ZFHX3: variants seen among roughly 807,000 people sequenced by gnomAD.
ZFHX3 encodes the protein zinc finger homeobox protein 3.
Under a neutral mutation model 279.1 loss-of-function variants are expected in ZFHX3, and 42 were observed. That is an observed-to-expected ratio of 0.15 (90% confidence interval 0.12 to 0.19). The LOEUF (loss-of-function observed/expected upper bound fraction) is 0.19, where lower values mean the gene tolerates loss of function less well. ZFHX3 is among the 10% of genes least tolerant of loss of function. ZFHX3 has a pLI of 1.00. For synonymous variants in ZFHX3, 2,293 were observed against 1,957.8 expected, an observed-to-expected ratio of 1.17 and a Z score of -4.52; for missense variants, 4,981 against 4,754.0, an observed-to-expected ratio of 1.05 and a Z score of -1.40.
intron 8 of ZFHX3, 83 bp from the exon 9 acceptor site, chr16:72,798,797 C>A: frequency 6.8e-7 from 1 of 1,479,350 alleles, no homozygotes; most frequent in South Asian, 1.4e-5. Flanking sequence ...TCTACCTAGT[C>A]AGGCCTCATG....
chr16:73,075,638 C>CTT (rs1237376208), intron 8 of ZFHX3, among the ~76,000 whole-genome samples: 1 of 144,424 alleles, frequency 6.9e-6, no homozygotes, highest in African/African-American at 2.5e-5. Context: ...GAATCAAAGA[C>CTT]TTTTTTTTTT....
intron 3 of ZFHX3, among the ~76,000 whole-genome samples, chr16:73,411,221 G>T (rs1407407825): frequency 6.6e-6 from 1 of 152,210 alleles, no homozygotes; most frequent in East Asian, 1.9e-4. Context: ...TAGAACCTCA[G>T]TCCTTGGCCA....
intron 3 of ZFHX3, among the ~76,000 whole-genome samples, chr16:73,403,331 G>A (rs575202541): frequency 6.6e-5 from 10 of 152,308 alleles, no homozygotes; most frequent in African/African-American, 1.4e-4. Flanking sequence ...GACTGGTCCC[G>A]CAGGGGTTCG....
chr16:73,814,853 C>G (rs995001918), intron 1 of ZFHX3, among the ~76,000 whole-genome samples: 3 of 152,268 alleles, frequency 2.0e-5, no homozygotes, highest in Admixed American at 6.5e-5. Context: ...CAGGAGTGAG[C>G]CTTTCACACC....
intron 1 of ZFHX3, among the ~76,000 whole-genome samples, chr16:72,988,918 A>C (rs1962957042): frequency 6.6e-6 from 1 of 152,220 alleles, no homozygotes; most frequent in Non-Finnish European, 1.5e-5. Context: ...GATCACACTT[A>C]CAATTCCAGC....
intron 4 of ZFHX3, chr16:73,294,177 T>C (rs2014846316): frequency 6.6e-6 from 1 of 152,202 alleles, no homozygotes; most frequent in Non-Finnish European, 1.5e-5. Context: ...ATTTGTAAAC[T>C]GTCCTTTTTT....
At chr16:73,086,777 C>T (rs1315642395) in intron 8 of ZFHX3, among the ~76,000 whole-genome samples, 1 of 152,048 alleles carries the variant, frequency 6.6e-6, no homozygotes, top group Non-Finnish European at 1.5e-5. Context: ...GTGGCATGCA[C>T]CTGTGCTCTC....
At chr16:72,987,467 T>C (rs2144559070) in intron 1 of ZFHX3, among the ~76,000 whole-genome samples, 1 of 152,192 alleles carries the variant, frequency 6.6e-6, no homozygotes, top group South Asian at 2.1e-4. Flanking sequence ...TCAGTTTAGG[T>C]AGAGGGACCT....
intron 3 of ZFHX3, among the ~76,000 whole-genome samples, chr16:73,371,381 C>T (rs2016626468): frequency 6.6e-6 from 1 of 151,758 alleles, no homozygotes; most frequent in Non-Finnish European, 1.5e-5. Flanking sequence ...ATTCCAACCC[C>T]CAATTTTTTA....
At chr16:73,648,774 T>G (rs188688954) in intron 2 of ZFHX3, among the ~76,000 whole-genome samples, 1 of 152,294 alleles carries the variant, frequency 6.6e-6, no homozygotes, top group East Asian at 1.9e-4. Flanking sequence ...CAATTGATAG[T>G]CTAAGGTTTC....
At chr16:72,865,855 G>C (rs537135855) in intron 4 of ZFHX3, among the ~76,000 whole-genome samples, 12 of 152,232 alleles carry the variant, frequency 7.9e-5, no homozygotes, top group Middle Eastern at 3.4e-3. Flanking sequence ...ATGCTCCTTT[G>C]AGGCATGAAC....
intron 3 of ZFHX3, among the ~76,000 whole-genome samples, chr16:73,378,430 C>T (rs1219002623): frequency 1.3e-5 from 2 of 152,150 alleles, no homozygotes; most frequent in African/African-American, 4.8e-5. Context: ...CTCTTTCTCA[C>T]ACCACTCCAA....
chr16:73,093,805 T>C (rs1966122112), intron 7 of ZFHX3: 1 of 273,638 alleles, frequency 3.7e-6, no homozygotes, highest in Admixed American at 4.3e-5. Context: ...GAGTGATGTG[T>C]TCACTTTTAT....
At chr16:73,391,890 TAAG>T (rs2017020001) in intron 3 of ZFHX3, among the ~76,000 whole-genome samples, 1 of 152,014 alleles carries the variant, frequency 6.6e-6, no homozygotes, top group South Asian at 2.1e-4. Context: ...GACAGAAGAC[TAAG>T]AAAAGCAAAA....
chr16:73,132,948 T>A (rs1038600646), intron 6 of ZFHX3, among the ~76,000 whole-genome samples: 10 of 152,338 alleles, frequency 6.6e-5, no homozygotes, highest in African/African-American at 2.4e-4. Flanking sequence ...TTCATGAAGA[T>A]GCATGGCACA....
chr16:73,304,073 T>C (rs2015123153), intron 4 of ZFHX3, among the ~76,000 whole-genome samples: 1 of 151,966 alleles, frequency 6.6e-6, no homozygotes, highest in Non-Finnish European at 1.5e-5. Flanking sequence ...TGTCACTGAT[T>C]CTGGAAGAGA....
chr16:72,845,528 C>A (rs1389820566), intron 4 of ZFHX3, among the ~76,000 whole-genome samples: 1 of 152,202 alleles, frequency 6.6e-6, no homozygotes, highest in African/African-American at 2.4e-5. Context: ...CCCCAACTCA[C>A]ATCACTGCCC....
chr16:72,873,100 C>G (rs2038206235), intron 4 of ZFHX3, among the ~76,000 whole-genome samples: 1 of 152,236 alleles, frequency 6.6e-6, no homozygotes, highest in African/African-American at 2.4e-5. Flanking sequence ...CTGTTCCACT[C>G]TCTGCTACTC....
At chr16:73,743,349 T>A (rs1168224280) in intron 1 of ZFHX3, among the ~76,000 whole-genome samples, 1 of 152,246 alleles carries the variant, frequency 6.6e-6, no homozygotes, top group East Asian at 1.9e-4. Context: ...TGTGTAAATA[T>A]CTGACTGTCT....
Sources: allele counts gnomAD v4.1 joint callset (sites outside exome capture counted in the v4.1 genomes callset), GRCh38; gene constraint gnomAD v4.1.1; transcripts MANE v1.5; gene names NCBI Gene and HGNC (gene_info 2026-07-23, HGNC 2026-07-21).